MPO: variants seen among roughly 807,000 people sequenced by gnomAD.
MPO encodes myeloperoxidase.
In MPO, 57 loss-of-function variants were observed where a neutral mutation model predicts 69.4. That is an observed-to-expected ratio of 0.82 (90% CI 0.66 to 1.02). The LOEUF is 1.02. MPO is among the 50% of genes least tolerant of loss of function. The pLI is 0.00. For synonymous variants in MPO, 426 were observed against 417.1 expected (o/e 1.02, Z -0.26); for missense variants, 971 against 1,014.1 (o/e 0.96, Z 0.58).
At position 58,270,639 on chromosome 17, in the gene MPO, A is replaced by AC. The variant is rs746364041; in HGVS notation, c.*16dup. On this transcript the variant is annotated 3_prime_UTR_variant, in exon 12 of 12. Transcript: ENST00000225275. This position sits in a 1 kb window ranked among gnomAD's most constrained non-coding sequence, Gnocchi z 4.1. ...GCCCAGATATACCCCTCACTGCTGC[A>AC]CCCCCTTACCTGGCCTCTAGGAGGC... 1.3e-6 allele frequency: 2 copies of AC among 1,593,628 alleles called. 1 individual carries two copies. Among genetic ancestry groups the AC allele is most frequent in the African/African-American group, 2.7e-5 (2 of 74,538 alleles).
In MPO at chr17:58,278,129, G is replaced by T. The variant is rs1191500981; in HGVS notation, c.902C>A (p.Pro301His). 1 of 1,601,998 alleles carries T rather than the reference G, an allele frequency of 6.2e-7. No homozygotes were observed. Among genetic ancestry groups the T allele is most frequent in the South Asian group, 1.1e-5 (1 of 91,084 alleles). ...CFPLKIPPND[P>H]RIKNQADCIP... Reference sequence around the variant, plus strand: ...GCAGTCGGCTTGGTTCTTGATGCGGGGGTCATTGGGCGGGATCTGAGGCAC... The same window carrying T: ...GCAGTCGGCTTGGTTCTTGATGCGGTGGTCATTGGGCGGGATCTGAGGCAC... Residue 301 changes from proline (P) to histidine (H), a missense_variant, in exon 7 of 12, where the codon CCC becomes CAC. Transcript: ENST00000225275.
rs1970455617 is a variant in MPO at position 58,277,731 on chromosome 17, T to G, written c.1204+96A>C. The G allele has an allele frequency of 2.6e-6, 4 of 1,547,934 alleles. No individual in the cohort carries two copies. In the East Asian group the frequency reaches 9.0e-5, roughly 35 times the overall value. On this transcript the variant is annotated intron_variant, in intron 7 of 11. Coordinates refer to ENST00000225275, the MANE Select transcript of MPO (RefSeq NM_000250.2). ...TAATGGCTGGTGAGGACAGTCTCTC[T>G]AAGTACAAACCCACAAGCTGCTCAC...
In MPO at chr17:58,277,887, G is replaced by T. The variant is rs1475169386; in HGVS notation, c.1144C>A (p.Leu382Met). Residue 382 changes from leucine to methionine, a missense_variant, in exon 7 of 12, where the codon CTG becomes ATG. Coordinates refer to ENST00000225275, the MANE Select transcript of MPO (RefSeq NM_000250.2). Reference sequence around the variant, plus strand: ...GTGAGGAGACAGGGGTCATCGTGCAGGTTGTCAAAGGGCAGCAGGGCCCGG... The same window carrying T: ...GTGAGGAGACAGGGGTCATCGTGCATGTTGTCAAAGGGCAGCAGGGCCCGG... ...NGRALLPFDN[L>M]HDDPCLLTNR... The T allele has an allele frequency of 1.2e-6, 2 of 1,610,322 alleles. No individual in the cohort carries two copies. The highest frequency in any genetic ancestry group is 1.7e-6 in the Non-Finnish European group (2 of 1,180,020).
Position 58,272,920 on chromosome 17 carries a change from TGGGGACCAGAGGAGCCAGGTCA to T in MPO, c.1622-24_1622-3del. ...CCCGGAGGATGGGGTCAATGCCACCTGGGGACCAGAGGAGCCAGGTCAGGGGAAGTATCTGGCTCAGTATCAG... is the reference window on the plus strand; with the variant it reads ...CCCGGAGGATGGGGTCAATGCCACCTGGGGAAGTATCTGGCTCAGTATCAG... On this transcript the variant is annotated splice_region_variant and splice_polypyrimidine_tract_variant and intron_variant, in intron 9 of 11. Coordinates refer to ENST00000225275, the MANE Select transcript of MPO (RefSeq NM_000250.2). 3 of 1,614,010 alleles carry T rather than the reference TGGGGACCAGAGGAGCCAGGTCA, an allele frequency of 1.9e-6. No individual in the cohort carries two copies. The highest frequency in any genetic ancestry group is 2.5e-6 in the Non-Finnish European group (3 of 1,180,018).
intron 8 of MPO, 73 bp from the exon 9 acceptor site, chr17:58,273,742 G>A (rs1176359057): frequency 1.2e-6 from 2 of 1,608,876 alleles, no homozygotes; most frequent in African/African-American, 1.3e-5. Context: ...AGCACAGGAG[G>A]GCCAGAGTCT....
At position 58,278,084 on chromosome 17, in the gene MPO, C is replaced by T. The variant is rs780114782; in HGVS notation, c.947G>A (p.Cys316Tyr). The T allele has an allele frequency of 1.2e-6, 2 of 1,610,314 alleles. No individual in the cohort carries two copies. The highest frequency in any genetic ancestry group is 1.7e-6 in the Non-Finnish European group (2 of 1,180,026). The change falls in exon 7 of 12, where the codon TGC becomes TAC. Residue 316 changes from cysteine (C) to tyrosine (Y), a missense_variant. Physicochemically the swap from Cys to Tyr is radical, Grantham distance 194. Transcript: ENST00000225275. The part of the protein sequence containing the change: ...QADCIPFFRS[C>Y]PACPGSNITI... ...GATGTTGCTCCCGGGGCAAGCCGGG[C>T]AGGAGCGGAAGAACGGGATGCAGTC...
At position 58,270,374 on chromosome 17, in the gene MPO, G is replaced by C; in HGVS notation, c.*282C>G. ...GTGCTCCTCACCAGTCCGCTCTGCT[G>C]CCTTCCACATACTCAGTATTCTCAT... On this transcript the variant is annotated 3_prime_UTR_variant, in exon 12 of 12. Transcript: ENST00000225275. The surrounding 1 kb of genome is among the most constrained non-coding windows in gnomAD (Gnocchi z 4.1). 2.2e-6 allele frequency: 1 copy of C among 454,792 alleles called. No individual in the cohort carries two copies. Among genetic ancestry groups the C allele is most frequent in the Non-Finnish European group, 4.1e-6 (1 of 242,766 alleles). 28.2% of individuals were successfully genotyped at this position (454,792 alleles called of 1,614,324 possible).
chr17:58,270,553 G>A lies in MPO; in HGVS notation c.*103C>T. On this transcript the variant is annotated 3_prime_UTR_variant, in exon 12 of 12. Transcript: ENST00000225275. The surrounding 1 kb of genome is among the most constrained non-coding windows in gnomAD (Gnocchi z 4.1). ...CGTCTAGTCACTCATTTTCTCAGCTGCACCCAGAACAGGGCTGGGCTCATC... is the reference window on the plus strand; with the variant it reads ...CGTCTAGTCACTCATTTTCTCAGCTACACCCAGAACAGGGCTGGGCTCATC... 2.1e-6 allele frequency: 2 copies of A among 943,894 alleles called. No homozygotes were observed. The highest frequency in any genetic ancestry group is 2.8e-5 in the South Asian group (2 of 71,268). 58.5% of individuals were successfully genotyped at this position (943,894 alleles called of 1,614,324 possible).
rs1296820632 is a variant in MPO, at chr17:58,274,190, AT to A, written c.1366-522del. 1.2e-5 allele frequency: 6 copies of A among 501,440 alleles called. No individual in the cohort carries two copies. The East Asian group carries it at 1.7e-4, about 14-fold the overall frequency. 31.1% of individuals were successfully genotyped at this position (501,440 alleles called of 1,614,324 possible). A position where few individuals can be genotyped will look rare whatever the true frequency, so the allele number is the denominator to read the frequency against. Reference sequence around the variant, plus strand: ...GGAAGGAACGAAGGGCCATTCTGGCATGATTTTCCCTGTGAAAAGTGAAGAC... The same window carrying A: ...GGAAGGAACGAAGGGCCATTCTGGCAGATTTTCCCTGTGAAAAGTGAAGAC... On this transcript the variant is annotated intron_variant, in intron 8 of 11. Coordinates refer to ENST00000225275, the MANE Select transcript of MPO (RefSeq NM_000250.2).
intron 6 of MPO, 68 bp from the exon 7 acceptor site, chr17:58,278,213 T>A: frequency 6.4e-7 from 1 of 1,553,560 alleles, no homozygotes; most frequent in Non-Finnish European, 8.7e-7. Context: ...GAACTGGATC[T>A]CCCCCTGCCC....
rs1970491533 is a variant in MPO at position 58,279,841 on chromosome 17, G to A, written c.422C>T (p.Thr141Ile). ...TGGGGTGTGATGGGCAACAGTACCA[G>A]TGACATTGAATGGCCTTCGCCACAG... ...RSLWRRPFNV[T>I]DVLTPAQLNV... Residue 141 changes from threonine to isoleucine, a missense_variant and splice_region_variant, in exon 3 of 12, where the codon ACT (threonine) becomes ATT (isoleucine). Transcript: ENST00000225275. 3.1e-6 allele frequency: 5 copies of A among 1,614,118 alleles called. No homozygotes were observed. The highest frequency in any genetic ancestry group is 1.1e-5 in the South Asian group (1 of 91,090).
Position 58,279,581 on chromosome 17 carries a change from C to A in MPO, c.490G>T (p.Gly164Trp), listed in dbSNP as rs150383639. The A allele has an allele frequency of 6.2e-6, 10 of 1,614,072 alleles. No homozygotes were observed. Among genetic ancestry groups the A allele is most frequent in the Non-Finnish European group, 8.5e-6 (10 of 1,180,050 alleles). Residue 164 changes from glycine (G) to tryptophan (W), a missense_variant, in exon 4 of 12, where the codon GGG (glycine) becomes TGG (tryptophan). Physicochemically the swap from Gly to Trp is radical, Grantham distance 184 (BLOSUM62 -2). Coordinates refer to ENST00000225275, the MANE Select transcript of MPO (RefSeq NM_000250.2). ...KSSGCAYQDV[G>W]VTCPEQDKYR... ...TTGTCCTGCTCCGGGCAAGTCACCC[C>A]CACGTCCTGGTAGGCGCAGCCGCTT...
At chr17:58,276,016 G>C (rs1308513560) in intron 7 of MPO, among the ~76,000 whole-genome samples, 3 of 152,158 alleles carry the variant, frequency 2.0e-5, no homozygotes, top group Non-Finnish European at 4.4e-5. Context: ...ACAGGACCAA[G>C]GCTTGTGCCT....
intron 6 of MPO, among the ~76,000 whole-genome samples, chr17:58,278,372 G>A (rs979523578): frequency 1.3e-5 from 2 of 152,114 alleles, no homozygotes; most frequent in Non-Finnish European, 2.9e-5. Flanking sequence ...CTGGGTCTGG[G>A]CACCGCCAGG....
intron 8 of MPO, chr17:58,274,078 A>G: frequency 6.8e-6 from 3 of 442,004 alleles, no homozygotes; most frequent in Non-Finnish European, 1.4e-5. Flanking sequence ...AGCAAGGGAA[A>G]TTGAAGTTGT....
At chr17:58,272,039 A>G in intron 10 of MPO, 147 bp from the exon 11 acceptor site, 1 of 834,344 alleles carries the variant, frequency 1.2e-6, no homozygotes, top group Non-Finnish European at 1.9e-6. Context: ...AGAGGGAGGG[A>G]AGGACCTCAC....
In MPO at chr17:58,275,086, A is replaced by C. The variant is rs1484257411; in HGVS notation, c.1365+456T>G. ...CACCGTGTTAGCCAGCATGGTCTTG[A>C]TCTCCTGACCTCGTGATCCACCCGC... On this transcript the variant is annotated intron_variant, in intron 8 of 11. Transcript: ENST00000225275. This position sits in a 1 kb window ranked among gnomAD's most constrained non-coding sequence, Gnocchi z 4.1. Among the ~76,000 whole-genome samples, 1 of 151,950 alleles carries C rather than the reference A, an allele frequency of 6.6e-6. No individual in the cohort carries two copies. The highest frequency in any genetic ancestry group is 2.4e-5 in the African/African-American group (1 of 41,398).
chr17:58,277,929 G>T lies in MPO; in HGVS notation c.1102C>A (p.Arg368Ser), dbSNP rs1282170793. 1.9e-6 allele frequency: 3 copies of T among 1,612,652 alleles called. No homozygotes were observed. Among genetic ancestry groups the T allele is most frequent in the African/African-American group, 2.7e-5 (2 of 74,942 alleles). ...NQLGLLAVNQ[R>S]FQDNGRALLP... ...AGGGCCCGGCCGTTGTCTTGGAAGC[G>T]CTGGTTGACGGCCAGCAGCCCCAGC... is the stretch of plus-strand genomic sequence containing the variant. Residue 368 changes from arginine (R) to serine (S), a missense_variant, in exon 7 of 12, where the codon CGC becomes AGC. Transcript: ENST00000225275.
chr17:58,280,049 G>A (rs747963537), intron 2 of MPO, 35 bp from the exon 3 acceptor site: 15 of 1,609,062 alleles, frequency 9.3e-6, no homozygotes, highest in South Asian at 2.2e-5. Flanking sequence ...GGCCAGAGAA[G>A]GGATACAGAC....
Sources: allele counts gnomAD v4.1 joint callset (sites outside exome capture counted in the v4.1 genomes callset), GRCh38; gene constraint gnomAD v4.1.1; non-coding constraint Gnocchi (gnomAD v3.1); transcripts MANE v1.5; gene names NCBI Gene and HGNC (gene_info 2026-07-23, HGNC 2026-07-21).